TENM4: variants seen among roughly 807,000 people sequenced by gnomAD.
TENM4 encodes teneurin transmembrane protein 4, also known as teneurin-4.
In TENM4, 82 loss-of-function variants were observed where a neutral mutation model predicts 243.3. The ratio of observed to expected loss-of-function variants is 0.34; its 90% CI spans 0.28 to 0.40. The LOEUF is 0.40. Ranked by LOEUF, TENM4 falls within the 10% of genes least tolerant of loss-of-function variation. The pLI, the probability that TENM4 is intolerant of heterozygous loss-of-function variation, is 1.00. For missense variants in TENM4, 3,138 were observed against 3,673.3 expected (o/e 0.85, Z 3.77); for synonymous variants, 1,412 against 1,456.3 (o/e 0.97, Z 0.69).
intron 4 of TENM4, among the ~76,000 whole-genome samples, chr11:79,119,361 T>C (rs1022300933): frequency 1.3e-5 from 2 of 150,866 alleles, no homozygotes; most frequent in African/African-American, 4.9e-5. Flanking sequence ...ATTGTGATAA[T>C]CATTATCATT....
At chr11:79,380,561 C>T (rs534842) in intron 1 of TENM4, among the ~76,000 whole-genome samples, 49,870 of 152,046 alleles carry the variant, frequency 0.33, 8,135 homozygotes, top group East Asian at 0.36. Context: ...GATTCCTTGT[C>T]GCATAAGCTT....
At chr11:79,048,323 A>G (rs898968992) in intron 6 of TENM4, among the ~76,000 whole-genome samples, 1 of 151,106 alleles carries the variant, frequency 6.6e-6, no homozygotes, top group Admixed American at 6.6e-5. Context: ...ATCCTGCCTA[A>G]CATGAGTGAC....
intron 2 of TENM4, among the ~76,000 whole-genome samples, chr11:79,273,758 TG>T (rs1377878126): frequency 6.6e-6 from 1 of 152,164 alleles, no homozygotes; most frequent in African/African-American, 2.4e-5. Flanking sequence ...AGCAGCATCC[TG>T]TAAATGCGCT....
rs1286040748 is a variant in TENM4 at position 78,755,697 on chromosome 11, T to C, written c.2756+1108A>G. Among the ~76,000 whole-genome samples, 3 of 152,132 alleles carry C rather than the reference T, an allele frequency of 2.0e-5. No individual in the cohort carries two copies. The East Asian group carries it at 5.8e-4, about 29-fold the overall frequency. The stretch of plus-strand genomic sequence containing the variant: ...GAAAATACCACCATTTACCCAGGCA[T>C]TCAAGCGGGAGACTCCTCTCTGCAG... On this transcript the variant is annotated intron_variant, in intron 19 of 33. Transcript: ENST00000278550.
intron 1 of TENM4, among the ~76,000 whole-genome samples, chr11:79,326,349 C>A (rs532933921): frequency 6.6e-6 from 1 of 152,296 alleles, no homozygotes; most frequent in South Asian, 2.1e-4. Context: ...TACATTGAAC[C>A]TTTGCTCACA....
intron 29 of TENM4, among the ~76,000 whole-genome samples, chr11:78,686,977 C>A (rs1013458545): frequency 1.3e-5 from 2 of 152,150 alleles, no homozygotes; most frequent in African/African-American, 2.4e-5. Flanking sequence ...CTTAAGGAAT[C>A]CAATAGTATT....
At chr11:78,972,182 T>C (rs1030284087) in intron 6 of TENM4, among the ~76,000 whole-genome samples, 1 of 152,190 alleles carries the variant, frequency 6.6e-6, no homozygotes, top group Admixed American at 6.5e-5. Context: ...AAGTCAGCCA[T>C]GATGACAGTT....
chr11:79,370,034 C>T (rs892902288), intron 1 of TENM4, among the ~76,000 whole-genome samples: 7 of 152,124 alleles, frequency 4.6e-5, no homozygotes, highest in African/African-American at 7.2e-5. Flanking sequence ...TCTGTTTCCT[C>T]ATCAGTAAGA....
chr11:79,137,258 G>A (rs973405411), intron 4 of TENM4, among the ~76,000 whole-genome samples: 3 of 152,152 alleles, frequency 2.0e-5, no homozygotes, highest in Non-Finnish European at 4.4e-5. Flanking sequence ...GGCTAAGAAG[G>A]GAGTTACAGT....
At chr11:78,979,298 C>T (rs920868564) in intron 6 of TENM4, among the ~76,000 whole-genome samples, 26 of 152,126 alleles carry the variant, frequency 1.7e-4, no homozygotes, top group African/African-American at 6.0e-4. Context: ...GAGGGGAAGT[C>T]GATTAGGTCC....
intron 6 of TENM4, among the ~76,000 whole-genome samples, chr11:78,916,303 T>C (rs1856314967): frequency 6.6e-6 from 1 of 152,216 alleles, no homozygotes; most frequent in African/African-American, 2.4e-5. Flanking sequence ...GTCCTTAGCA[T>C]AGTGACCAGC....
chr11:79,421,717 A>C (rs1444568666), intron 1 of TENM4, among the ~76,000 whole-genome samples: 1 of 152,168 alleles, frequency 6.6e-6, no homozygotes, highest in East Asian at 1.9e-4. Context: ...AAAAAAAAAA[A>C]AAACAGTTAT....
In TENM4 at chr11:79,265,054, T is replaced by C. The variant is rs200989004; in HGVS notation, c.-265+32434A>G. 3.9e-5 allele frequency among the ~76,000 whole-genome samples: 6 copies of C among 152,266 alleles called. No homozygotes were observed. The East Asian group carries it at 9.7e-4, about 24-fold the overall frequency. On this transcript the variant is annotated intron_variant, in intron 2 of 33. Coordinates refer to ENST00000278550, the MANE Select transcript of TENM4 (RefSeq NM_001098816.3). ...CATAACACCTGCCTGGGTAGAATGT[T>C]TTTTGAGATACAGTACAGGAAAAAT...
chr11:79,103,359 T>C (rs1206900243), intron 4 of TENM4, among the ~76,000 whole-genome samples: 9 of 152,200 alleles, frequency 5.9e-5, no homozygotes, highest in Admixed American at 5.9e-4. Flanking sequence ...TTCTGATTGC[T>C]CCCTGAAGGA....
intron 3 of TENM4, among the ~76,000 whole-genome samples, chr11:79,166,004 C>T (rs908970432): frequency 3.3e-5 from 5 of 152,060 alleles, no homozygotes; most frequent in African/African-American, 1.2e-4. Context: ...CTATATGAGG[C>T]CTGCCTAACT....
intron 4 of TENM4, among the ~76,000 whole-genome samples, chr11:79,116,384 G>A (rs1275800981): frequency 1.3e-5 from 2 of 152,188 alleles, no homozygotes; most frequent in Non-Finnish European, 2.9e-5. Flanking sequence ...CAGGACTTCG[G>A]CACCACAGCC....
At chr11:78,926,726 C>G (rs759128952) in intron 6 of TENM4, among the ~76,000 whole-genome samples, 1 of 144,744 alleles carries the variant, frequency 6.9e-6, no homozygotes, top group Admixed American at 6.9e-5. Flanking sequence ...TGAGATTTGA[C>G]GTTAATATTA....
At chr11:79,239,300 A>C (rs1164328293) in intron 2 of TENM4, among the ~76,000 whole-genome samples, 1 of 152,236 alleles carries the variant, frequency 6.6e-6, no homozygotes, top group Admixed American at 6.5e-5. Context: ...TTTATCAAAA[A>C]TATGTCTCTC....
In TENM4 at chr11:78,729,647, G is replaced by A. The variant is rs772834184; in HGVS notation, c.3139-4C>T. On this transcript the variant is annotated splice_polypyrimidine_tract_variant and splice_region_variant and intron_variant, in intron 21 of 33. Transcript: ENST00000278550. ...TAGAGATTTCCTCCTGCAAAGCCTA[G>A]AAAGCAGAGGCAGATCACAGCAAGG... The A allele has an allele frequency of 1.2e-6, 2 of 1,604,604 alleles. No homozygotes were observed. Among genetic ancestry groups the A allele is most frequent in the Admixed American group, 1.7e-5 (1 of 59,670 alleles).
Sources: gnomAD v4.1 joint callset for allele counts (sites outside exome capture counted in the v4.1 genomes callset) on GRCh38, gnomAD v4.1.1 for gene constraint, MANE v1.5 for transcripts, NCBI Gene and HGNC (gene_info 2026-07-23, HGNC 2026-07-21) for gene names.